The following ABAT variants were observed in gnomAD, a reference collection of about 807,000 sequenced individuals.
ABAT encodes the protein 4-aminobutyrate aminotransferase, mitochondrial.
In ABAT, 45 loss-of-function variants were observed where a neutral mutation model predicts 64.6. That is an observed-to-expected ratio of 0.70 (90% CI 0.55 to 0.89). The LOEUF is 0.89. Ranked by LOEUF, ABAT falls within the 40% of genes least tolerant of loss-of-function variation. ABAT has a pLI of 0.00. For synonymous variants in ABAT, 297 were observed against 250.5 expected, an observed-to-expected ratio of 1.19 and a Z score of -1.75; for missense variants, 633 against 658.4, an observed-to-expected ratio of 0.96 and a Z score of 0.42.
Position 8,758,822 on chromosome 16 carries a change from G to A in ABAT, c.366+1016G>A, listed in dbSNP as rs111929607. Reference sequence around the variant, plus strand: ...CATTTATACTAAAGAATATGGCCAGGCACGGTGGCTCACGCCTGTAATCCC... The same window carrying A: ...CATTTATACTAAAGAATATGGCCAGACACGGTGGCTCACGCCTGTAATCCC... On this transcript the variant is annotated intron_variant, in intron 6 of 15. Transcript: ENST00000268251. Among the ~76,000 whole-genome samples the A allele has an allele frequency of 2.0e-4, 30 of 152,322 alleles. 1 individual carries two copies. Among genetic ancestry groups the A allele is most frequent in the African/African-American group, 7.2e-4 (30 of 41,570 alleles).
chr16:8,674,914 G>A (rs570821854), intron 1 of ABAT, among the ~76,000 whole-genome samples: 33 of 152,192 alleles, frequency 2.2e-4, no homozygotes, highest in Middle Eastern at 6.8e-3. Context: ...TTCTCCTTCA[G>A]AAATGGGCCC....
intron 1 of ABAT, among the ~76,000 whole-genome samples, chr16:8,729,850 C>T (rs1035054366): frequency 1.7e-5 from 2 of 114,600 alleles, no homozygotes; most frequent in African/African-American, 3.2e-5. Flanking sequence ...AAAAAAAGAC[C>T]CTGTTTGAAT....
chr16:8,757,874 G>T (rs2059691797), intron 6 of ABAT, 68 bp downstream of exon 6: 1 of 1,518,896 alleles, frequency 6.6e-7, no homozygotes, highest in Admixed American at 1.7e-5. Flanking sequence ...TCACTGGGCA[G>T]ACTTTGGCAA....
intron 1 of ABAT, chr16:8,720,831 A>T (rs2058348407): frequency 6.6e-6 from 1 of 152,266 alleles, no homozygotes; most frequent in African/African-American, 2.4e-5. Context: ...TAGGAAAATG[A>T]GAGGCAGGGT....
chr16:8,706,404 C>CAAA lies in ABAT; in HGVS notation c.-41-29278_-41-29276dup, dbSNP rs56329419. ...TGGGCAACAGAGTGAGACCCTGTTT[C>CAAA]AAAAAAAAAAAAAAAAAAAGAAAAG... On this transcript the variant is annotated intron_variant, in intron 1 of 15. Transcript: ENST00000268251. Among the ~76,000 whole-genome samples the CAAA allele has an allele frequency of 7.3e-3, 696 of 94,994 alleles. 9 individuals are homozygous for CAAA. The highest frequency in any genetic ancestry group is 0.034 in the East Asian group (115 of 3,404). The allele number at this position is 94,994 out of a possible 152,430, so 62.3% of individuals were successfully genotyped here.
At chr16:8,721,197 T>C (rs2058360184) in intron 1 of ABAT, among the ~76,000 whole-genome samples, 1 of 152,128 alleles carries the variant, frequency 6.6e-6, no homozygotes, top group South Asian at 2.1e-4. Flanking sequence ...TTTTGAAGGA[T>C]GCAAGATTGG....
At chr16:8,712,330 G>C (rs1157233345) in intron 1 of ABAT, among the ~76,000 whole-genome samples, 1 of 152,230 alleles carries the variant, frequency 6.6e-6, no homozygotes, top group Non-Finnish European at 1.5e-5. Context: ...GGATACTGAT[G>C]TCTACAGTTA....
chr16:8,697,724 C>T (rs1309991308), intron 1 of ABAT, among the ~76,000 whole-genome samples: 3 of 152,114 alleles, frequency 2.0e-5, no homozygotes. Context: ...CAACCTCCAC[C>T]TCCCAGGTTC....
At chr16:8,685,049 C>T (rs1311164984) in intron 1 of ABAT, among the ~76,000 whole-genome samples, 2 of 152,080 alleles carry the variant, frequency 1.3e-5, no homozygotes, top group Non-Finnish European at 2.9e-5. Flanking sequence ...CTTTGGGAGG[C>T]CGAGGTGGAC....
At chr16:8,682,967 C>G (rs563130530) in intron 1 of ABAT, among the ~76,000 whole-genome samples, 18 of 152,316 alleles carry the variant, frequency 1.2e-4, no homozygotes, top group African/African-American at 4.1e-4. Context: ...ACCCCACACT[C>G]AGAGCTAAGC....
intron 5 of ABAT, among the ~76,000 whole-genome samples, chr16:8,754,377 A>G (rs1027203534): frequency 6.6e-6 from 1 of 151,898 alleles, no homozygotes; most frequent in African/African-American, 2.4e-5. Context: ...CAACAAAAAG[A>G]AAAGGTTCAA....
rs150220108 is a variant in ABAT at position 8,675,007 on chromosome 16, G to T, written c.-42+296G>T. Among the ~76,000 whole-genome samples the T allele has an allele frequency of 2.6e-5, 4 of 152,264 alleles. No homozygotes were observed. In the East Asian group the frequency reaches 7.7e-4, roughly 29 times the overall value. On this transcript the variant is annotated intron_variant, in intron 1 of 15. Coordinates refer to ENST00000268251, the MANE Select transcript of ABAT (RefSeq NM_020686.6). ...ATGCGGCCCCAAAAAGTGGTCTCCA[G>T]GTCTCTAGAGCCCCCTCACCTCTTG...
At chr16:8,758,553 C>T (rs866859480) in intron 6 of ABAT, among the ~76,000 whole-genome samples, 12 of 152,090 alleles carry the variant, frequency 7.9e-5, no homozygotes, top group Admixed American at 2.6e-4. Flanking sequence ...AACTCTCACA[C>T]TGTTGACATC....
chr16:8,751,404 G>C (rs1285182661), intron 5 of ABAT, among the ~76,000 whole-genome samples: 1 of 152,076 alleles, frequency 6.6e-6, no homozygotes, highest in Non-Finnish European at 1.5e-5. Flanking sequence ...AGGGATTCTT[G>C]GGCAGGTTAT....
chr16:8,676,070 G>A (rs998269832), intron 1 of ABAT, among the ~76,000 whole-genome samples: 1 of 152,152 alleles, frequency 6.6e-6, no homozygotes, highest in Non-Finnish European at 1.5e-5. Flanking sequence ...GCTCTTCTCT[G>A]GTGGGTCAGG....
chr16:8,739,131 G>C (rs541127429), intron 2 of ABAT, among the ~76,000 whole-genome samples: 1 of 152,312 alleles, frequency 6.6e-6, no homozygotes, highest in South Asian at 2.1e-4. Flanking sequence ...TGCTGTGCTG[G>C]GTATTAAGGA....
At chr16:8,767,990 T>TA (rs376861042) in intron 9 of ABAT, among the ~76,000 whole-genome samples, 13,164 of 145,496 alleles carry the variant, frequency 0.09, 613 homozygotes, top group South Asian at 0.18. Context: ...ATTTGTGACT[T>TA]AAAAAAAAAA....
At chr16:8,742,126 C>T (rs1393796010) in intron 2 of ABAT, among the ~76,000 whole-genome samples, 1 of 152,232 alleles carries the variant, frequency 6.6e-6, no homozygotes, top group African/African-American at 2.4e-5. Context: ...GCTTGTGCCC[C>T]ATAGCGCCCA....
intron 1 of ABAT, among the ~76,000 whole-genome samples, chr16:8,732,199 T>G (rs1047623179): frequency 0.013 from 194 of 15,166 alleles, 3 homozygotes; most frequent in South Asian, 0.026. Context: ...TTTTTTTGTT[T>G]TTTTTTTTTG....
Sources: allele counts gnomAD v4.1 joint callset (sites outside exome capture counted in the v4.1 genomes callset), GRCh38; gene constraint gnomAD v4.1.1; transcripts MANE v1.5; gene names NCBI Gene and HGNC (gene_info 2026-07-23, HGNC 2026-07-21).